OPCML: variants seen among roughly 807,000 people sequenced by gnomAD.
OPCML encodes opioid-binding protein/cell adhesion molecule.
Under a neutral mutation model 37.8 loss-of-function variants are expected in OPCML, and 13 were observed. The observed-to-expected ratio is 0.34, with a 90% confidence interval of 0.22 to 0.55. OPCML has a LOEUF of 0.55. OPCML is among the 20% of genes least tolerant of loss of function. The pLI is 0.91. For missense variants in OPCML, 341 were observed against 435.6 expected (o/e 0.78, Z 1.93); for synonymous variants, 176 against 168.8 (o/e 1.04, Z -0.33).
At chr11:133,140,579 A>G (rs28841943) in intron 1 of OPCML, among the ~76,000 whole-genome samples, 6 of 128,320 alleles carry the variant, frequency 4.7e-5, no homozygotes, top group Non-Finnish European at 7.0e-5. Context: ...AGAAGAAGAA[A>G]GAAGAAAAAA....
intron 1 of OPCML, among the ~76,000 whole-genome samples, chr11:132,969,229 A>C (rs890679672): frequency 6.6e-6 from 1 of 151,920 alleles, no homozygotes; most frequent in African/African-American, 2.4e-5. Flanking sequence ...TAAAAATACC[A>C]TTTTAAATAT....
At chr11:133,034,163 C>A (rs1178289566) in intron 1 of OPCML, among the ~76,000 whole-genome samples, 1 of 152,106 alleles carries the variant, frequency 6.6e-6, no homozygotes, top group Non-Finnish European at 1.5e-5. Context: ...TGGCTCTGGG[C>A]AGCTTTGAGG....
intron 1 of OPCML, among the ~76,000 whole-genome samples, chr11:133,056,962 G>A (rs2136979215): frequency 1.3e-5 from 2 of 152,262 alleles, no homozygotes; most frequent in East Asian, 3.9e-4. Flanking sequence ...TCCTGCCTCA[G>A]CCTCCCGAGT....
At chr11:132,962,183 G>A (rs924393379) in intron 1 of OPCML, among the ~76,000 whole-genome samples, 2 of 152,186 alleles carry the variant, frequency 1.3e-5, no homozygotes, top group African/African-American at 4.8e-5. Context: ...TGTTTTAACT[G>A]GATGCTTGTA....
Position 132,416,310 on chromosome 11 carries a change from C to T in OPCML, c.*3883G>A, listed in dbSNP as rs2095938362. 2 of 152,100 alleles carry T rather than the reference C, an allele frequency of 1.3e-5. No homozygotes were observed. The highest frequency in any genetic ancestry group is 1.3e-4 in the Admixed American group (2 of 15,272). 9.4% of individuals were successfully genotyped at this position (152,100 alleles called of 1,614,324 possible). ...AAGATGCCCCACCACCAGATCTTAC[C>T]TCATCTTAAGCCATTCCTCCCCTCC... On this transcript the variant is annotated 3_prime_UTR_variant, in exon 8 of 8. Transcript: ENST00000524381.
At chr11:133,007,916 A>C (rs1157121838) in intron 1 of OPCML, 1 of 985,340 alleles carries the variant, frequency 1.0e-6, no homozygotes, top group East Asian at 1.1e-4. Flanking sequence ...CCTGCATTTG[A>C]GGTCCATTGT....
At chr11:133,294,982 C>T (rs982663167) in intron 1 of OPCML, among the ~76,000 whole-genome samples, 1 of 151,792 alleles carries the variant, frequency 6.6e-6, no homozygotes, top group Admixed American at 6.6e-5. Context: ...TGCCACCATG[C>T]CCAGCTAATT....
intron 1 of OPCML, among the ~76,000 whole-genome samples, chr11:133,218,090 C>G (rs1366917029): frequency 1.3e-5 from 2 of 151,458 alleles, no homozygotes; most frequent in South Asian, 2.1e-4. Flanking sequence ...CTTGCTGAAC[C>G]TGCTTCACGC....
chr11:133,307,122 T>C (rs1427918923), intron 1 of OPCML, among the ~76,000 whole-genome samples: 1 of 152,148 alleles, frequency 6.6e-6, no homozygotes, highest in Non-Finnish European at 1.5e-5. Flanking sequence ...CCTCATGGAA[T>C]TTCATAGGCA....
chr11:132,487,837 A>G (rs73585055), intron 4 of OPCML, among the ~76,000 whole-genome samples: 5,281 of 152,320 alleles, frequency 0.035, 290 homozygotes, highest in African/African-American at 0.11. Flanking sequence ...ACTCAATCAT[A>G]GTATTGCATT....
intron 1 of OPCML, among the ~76,000 whole-genome samples, chr11:133,399,832 A>G (rs1206182939): frequency 2.0e-5 from 3 of 150,524 alleles, no homozygotes; most frequent in Non-Finnish European, 3.0e-5. Context: ...GTTTTCCTAA[A>G]TTTAACAGAT....
intron 4 of OPCML, among the ~76,000 whole-genome samples, chr11:132,439,292 C>T (rs913590440): frequency 2.6e-5 from 4 of 152,142 alleles, no homozygotes; most frequent in African/African-American, 4.8e-5. Flanking sequence ...AGGATCTGAG[C>T]GTCTCTCCTG....
chr11:132,529,064 T>G lies in OPCML; in HGVS notation c.502A>C (p.Lys168Gln), dbSNP rs2096316484. The change falls in exon 4 of 8, where the codon AAG becomes CAG. Residue 168 changes from lysine to glutamine, a missense_variant. Physicochemically the swap from Lys to Gln is moderately conservative, Grantham distance 53 (BLOSUM62 1). Coordinates refer to ENST00000524381, the MANE Select transcript of OPCML (RefSeq NM_001012393.5). Reference sequence around the variant, plus strand: ...GTCCTCCAGGTCAGCACCTTACCCTTGACTGACAGGTGTCTCCATGTCACA... The same window carrying G: ...GTCCTCCAGGTCAGCACCTTACCCTGGACTGACAGGTGTCTCCATGTCACA... ...PTVTWRHLSV[K>Q]EGQGFVSEDE... 6 of 1,608,794 alleles carry G rather than the reference T, an allele frequency of 3.7e-6. No individual in the cohort carries two copies. The highest frequency in any genetic ancestry group is 1.7e-5 in the Admixed American group (1 of 59,920).
At chr11:133,335,906 G>C (rs73602431) in intron 1 of OPCML, among the ~76,000 whole-genome samples, 23,069 of 152,014 alleles carry the variant, frequency 0.15, 2,301 homozygotes, top group African/African-American at 0.28. Flanking sequence ...GAGAACAACA[G>C]TGATGGGAGT....
chr11:133,491,803 A>C (rs1565664662), intron 1 of OPCML, among the ~76,000 whole-genome samples: 1 of 152,178 alleles, frequency 6.6e-6, no homozygotes, highest in Admixed American at 6.5e-5. Context: ...CCATTCAGTT[A>C]GCAGAGCCGA....
At chr11:132,589,173 A>AT (rs2096479833) in intron 3 of OPCML, among the ~76,000 whole-genome samples, 1 of 152,158 alleles carries the variant, frequency 6.6e-6, no homozygotes, top group African/African-American at 2.4e-5. Flanking sequence ...AGTATCATAG[A>AT]TTTTAGAATC....
At chr11:132,612,559 G>A (rs1019340784) in intron 3 of OPCML, among the ~76,000 whole-genome samples, 1 of 152,248 alleles carries the variant, frequency 6.6e-6, no homozygotes, top group African/African-American at 2.4e-5. Flanking sequence ...TATCACAGAG[G>A]CTGGAAGCTG....
intron 1 of OPCML, among the ~76,000 whole-genome samples, chr11:133,147,750 G>A (rs1007750013): frequency 2.0e-5 from 3 of 152,132 alleles, no homozygotes; most frequent in Non-Finnish European, 1.5e-5. Flanking sequence ...GACAGGTCCT[G>A]GTTGTACAAA....
intron 4 of OPCML, among the ~76,000 whole-genome samples, chr11:132,472,427 G>A (rs1031710997): frequency 3.3e-5 from 5 of 152,186 alleles, no homozygotes; most frequent in African/African-American, 1.2e-4. Flanking sequence ...AAAGCCTACG[G>A]AAGGCTCATT....
Sources: gnomAD v4.1 joint callset for allele counts (sites outside exome capture counted in the v4.1 genomes callset) on GRCh38, gnomAD v4.1.1 for gene constraint, MANE v1.5 for transcripts, NCBI Gene and HGNC (gene_info 2026-07-23, HGNC 2026-07-21) for gene names.